IKZF4: variants seen among roughly 807,000 people sequenced by gnomAD.
IKZF4 encodes the protein IKAROS family zinc finger 4.
In IKZF4, 11 loss-of-function variants were observed where a neutral mutation model predicts 47.7. The observed-to-expected ratio is 0.23, with a 90% CI of 0.15 to 0.38. The LOEUF is 0.38. IKZF4 is among the 10% of genes least tolerant of loss of function. The probability of loss-of-function intolerance (pLI) is 1.00; values close to 1 mark genes in which losing one functional copy is unlikely to be tolerated. For missense variants in IKZF4, 557 were observed against 784.9 expected (o/e 0.71, Z 3.47); for synonymous variants, 298 against 299.4 (o/e 1.00, Z 0.05).
intron 5 of IKZF4, among the ~76,000 whole-genome samples, chr12:56,030,072 C>G (rs1271213179): frequency 6.6e-6 from 1 of 152,100 alleles, no homozygotes; most frequent in East Asian, 1.9e-4. Flanking sequence ...AAAAAAGAGA[C>G]TGGATGCATG....
rs369975813 is a variant in IKZF4, at chr12:56,035,310, G to A, written c.1737G>A (p.Arg579=). The change falls in exon 8 of 8, where the codon CGG becomes CGA. Residue 579 remains arginine, a synonymous_variant. Coordinates refer to ENST00000547167, the MANE Select transcript of IKZF4 (RefSeq NM_022465.4). The surrounding 1 kb of genome is among the most constrained non-coding windows in gnomAD (Gnocchi z 6.1). ...DRYEFSSHIV[R]GEHKVG ...ACGAATTCTCTTCCCACATTGTCCG[G>A]GGGGAGCATAAGGTGGGCTAGCAAC... is the stretch of plus-strand genomic sequence containing the variant. 7 of 1,612,156 alleles carry A rather than the reference G, an allele frequency of 4.3e-6. No homozygotes were observed. In the African/African-American group the frequency reaches 5.3e-5, roughly 12 times the overall value.
intron 7 of IKZF4, among the ~76,000 whole-genome samples, chr12:56,034,230 G>C (rs1485206757): frequency 4.6e-5 from 7 of 152,304 alleles, no homozygotes; most frequent in Non-Finnish European, 8.8e-5. Context: ...AGAATAACAA[G>C]AACTTCAGTC....
chr12:56,024,669 AC>A (rs1893645233), intron 2 of IKZF4: 3 of 1,062,262 alleles, frequency 2.8e-6, no homozygotes, highest in Non-Finnish European at 3.4e-6. Context: ...CAGATCCTGA[AC>A]CGGCTGGGGG....
rs985887002 is a variant in IKZF4, at chr12:56,028,006, C to G, written c.715+59C>G. 4.8e-6 allele frequency: 7 copies of G among 1,467,610 alleles called. No homozygotes were observed. The African/African-American group carries it at 1.0e-4, about 21-fold the overall frequency. The allele number at this position is 1,467,610 out of a possible 1,614,324, so 90.9% of individuals were successfully genotyped here. ...GCTCCAACACACCCAGTATGTAGAG[C>G]TCAGTGACTTCTCTTGTATTTGGGG... On this transcript the variant is annotated intron_variant, in intron 5 of 7. Transcript: ENST00000547167.
At chr12:56,010,129 AGAGTGTGGGACCCTGT>A (rs1891169927) in intron 1 of IKZF4, 1 of 152,168 alleles carries the variant, frequency 6.6e-6, no homozygotes, top group African/African-American at 2.4e-5. Flanking sequence ...GGAACAAATA[AGAGTGTGGGACCCTGT>A]GAGTGTGGAC....
chr12:56,021,485 G>A lies in IKZF4; in HGVS notation c.-9G>A, dbSNP rs772542174. The A allele has an allele frequency of 1.3e-6, 2 of 1,596,872 alleles. No homozygotes were observed. Among genetic ancestry groups the A allele is most frequent in the Non-Finnish European group, 1.7e-6 (2 of 1,172,912 alleles). The stretch of plus-strand genomic sequence containing the variant: ...TGGGCTCACCCCTGCCTGCCACTGA[G>A]ACGCAGACATGCATACACCACCCGC... On this transcript the variant is annotated 5_prime_UTR_variant, in exon 1 of 8. Coordinates refer to ENST00000547167, the MANE Select transcript of IKZF4 (RefSeq NM_022465.4).
chr12:56,033,184 C>T lies in IKZF4; in HGVS notation c.866-6C>T, dbSNP rs780509817. 3.1e-6 allele frequency: 5 copies of T among 1,613,786 alleles called. No individual in the cohort carries two copies. The highest frequency in any genetic ancestry group is 3.3e-5 in the Admixed American group (2 of 60,012). ...GCTACTACTGTCTCCACCTTCTTCCCACTAGGTGACGAAATACGTGACCTG... is the reference window on the plus strand; with the variant it reads ...GCTACTACTGTCTCCACCTTCTTCCTACTAGGTGACGAAATACGTGACCTG... On this transcript the variant is annotated splice_region_variant and splice_polypyrimidine_tract_variant and intron_variant, in intron 6 of 7. Transcript: ENST00000547167.
intron 1 of IKZF4, among the ~76,000 whole-genome samples, chr12:56,023,382 T>A (rs1358351598): frequency 6.6e-6 from 1 of 152,220 alleles, no homozygotes. Flanking sequence ...AAGGATATAT[T>A]TAAAACTGGC....
chr12:56,026,981 G>A lies in IKZF4; in HGVS notation c.487G>A (p.Val163Ile), dbSNP rs199587393. ...RLPNGKLKCD[V>I]CGMVCIGPNV... Reference sequence around the variant, plus strand: ...GCCCAATGGCAAGCTCAAGTGTGACGTCTGCGGCATGGTCTGTATTGGACC... The same window carrying A: ...GCCCAATGGCAAGCTCAAGTGTGACATCTGCGGCATGGTCTGTATTGGACC... The change falls in exon 4 of 8, where the codon GTC (valine) becomes ATC (isoleucine). Residue 163 changes from valine (V) to isoleucine (I), a missense_variant. By Grantham distance (29) the Val-to-Ile change is conservative (BLOSUM62 3). Around this residue, in one of 6 missense-constraint regions of IKZF4, gnomAD observed 27 missense variants for 85.4 expected, o/e 0.32. Transcript: ENST00000547167. 1.6e-5 allele frequency: 25 copies of A among 1,608,992 alleles called. No homozygotes were observed. The African/African-American group carries it at 1.6e-4, about 10-fold the overall frequency.
At chr12:56,025,011 C>A (rs1243601664) in intron 2 of IKZF4, 43 bp from the exon 3 acceptor site, 2 of 1,554,138 alleles carry the variant, frequency 1.3e-6, no homozygotes, top group Non-Finnish European at 1.7e-6. Context: ...CAGTAGATAT[C>A]TCCAGCTCCA....
rs1273654976 is a variant in IKZF4 at position 56,032,544 on chromosome 12, T to C, written c.716-17T>C. 1.9e-6 allele frequency: 3 copies of C among 1,601,038 alleles called. No individual in the cohort carries two copies. The highest frequency in any genetic ancestry group is 4.5e-5 in the East Asian group (2 of 44,606). ...CGAGAAATAGCTCTGATGCCATCTTTCCACTCTCCTCCACAGTCTCCTCTC... is the reference window on the plus strand; with the variant it reads ...CGAGAAATAGCTCTGATGCCATCTTCCCACTCTCCTCCACAGTCTCCTCTC... On this transcript the variant is annotated splice_polypyrimidine_tract_variant and intron_variant, in intron 5 of 7. Transcript: ENST00000547167.
rs201980839 is a variant in IKZF4 at position 56,033,250 on chromosome 12, G to A, written c.926G>A (p.Arg309Gln). The stretch of plus-strand genomic sequence containing the variant: ...TCCATGCTGCACTCATCCTCTGAGC[G>A]GCCAACTTTCATCGATCGTCTGGCC... ...PDSMLHSSSE[R>Q]PTFIDRLANS... is the part of the protein sequence containing the mutation. Residue 309 changes from arginine to glutamine, a missense_variant, in exon 7 of 8, where the codon CGG becomes CAG. Physicochemically the swap from Arg to Gln is conservative, Grantham distance 43 (BLOSUM62 1). Coordinates refer to ENST00000547167, the MANE Select transcript of IKZF4 (RefSeq NM_022465.4). The A allele has an allele frequency of 7.6e-4, 1,231 of 1,614,006 alleles. 1 individual carries two copies. Among genetic ancestry groups the A allele is most frequent in the Middle Eastern group, 2.6e-3 (16 of 6,062 alleles).
intron 5 of IKZF4, among the ~76,000 whole-genome samples, chr12:56,028,368 A>G (rs12321842): frequency 2.0e-5 from 3 of 148,590 alleles, no homozygotes; most frequent in African/African-American, 7.4e-5. Flanking sequence ...TACTAAAAAT[A>G]CAAAAAAAAA....
At chr12:56,008,265 G>A (rs1418894363) in intron 1 of IKZF4, among the ~76,000 whole-genome samples, 1 of 152,124 alleles carries the variant, frequency 6.6e-6, no homozygotes, top group Non-Finnish European at 1.5e-5. Context: ...CACAGTGTAG[G>A]GTGAGAGGTG....
At chr12:56,009,352 AG>A (rs557765475) in intron 1 of IKZF4, among the ~76,000 whole-genome samples, 91 of 152,356 alleles carry the variant, frequency 6.0e-4, no homozygotes, top group African/African-American at 1.9e-3. Flanking sequence ...GCCAGATAAA[AG>A]GCCAAATCAG....
chr12:56,033,434 GCA>G, intron 7 of IKZF4, 113 bp downstream of exon 7: 3 of 1,359,022 alleles, frequency 2.2e-6, no homozygotes, highest in Admixed American at 1.8e-5. Flanking sequence ...TGGGCTGGGT[GCA>G]GTGGCTCACG....
chr12:56,017,648 T>C (rs537536029), upstream of IKZF4, among the ~76,000 whole-genome samples: 2 of 152,066 alleles, frequency 1.3e-5, no homozygotes, highest in South Asian at 4.2e-4. Context: ...GGAGGAAATA[T>C]TGGGGTTTGT....
chr12:56,024,299 GA>G (rs1434490656), intron 2 of IKZF4, among the ~76,000 whole-genome samples: 2 of 152,180 alleles, frequency 1.3e-5, no homozygotes, highest in African/African-American at 4.8e-5. Context: ...AATTTTTGCT[GA>G]ATTTAGAAAG....
chr12:56,020,510 G>A (rs1487474803), upstream of IKZF4, among the ~76,000 whole-genome samples: 1 of 152,204 alleles, frequency 6.6e-6, no homozygotes, highest in Non-Finnish European at 1.5e-5. Flanking sequence ...TAGGCAGCCC[G>A]AAGTTTCACA....
Sources: allele counts gnomAD v4.1 joint callset (sites outside exome capture counted in the v4.1 genomes callset), GRCh38; gene constraint gnomAD v4.1.1; regional missense constraint gnomAD v4.1.1; non-coding constraint Gnocchi (gnomAD v3.1); transcripts MANE v1.5; gene names NCBI Gene and HGNC (gene_info 2026-07-23, HGNC 2026-07-21).